The following RBFOX1 variants were observed in gnomAD, a reference collection of about 807,000 sequenced individuals.
RBFOX1 encodes RNA binding protein fox-1 homolog 1.
RBFOX1 carries 8 observed loss-of-function variants against 57.7 expected under a neutral mutation model. The ratio of observed to expected loss-of-function variants is 0.14; its 90% CI spans 0.08 to 0.25. The LOEUF is 0.25. RBFOX1 is among the 10% of genes least tolerant of loss of function. The probability of loss-of-function intolerance (pLI) is 1.00; values close to 1 mark genes in which losing one functional copy is unlikely to be tolerated. For missense variants in RBFOX1, 611 were observed against 548.5 expected (o/e 1.11, Z -1.14); for synonymous variants, 326 against 222.4 (o/e 1.47, Z -4.15).
At chr16:5,521,966 A>G (rs896658032) in intron 2 of RBFOX1, among the ~76,000 whole-genome samples, 3 of 152,172 alleles carry the variant, frequency 2.0e-5, no homozygotes, top group Non-Finnish European at 4.4e-5. Context: ...GAGGAGGGAA[A>G]AGACTTACTA....
intron 3 of RBFOX1, among the ~76,000 whole-genome samples, chr16:6,847,764 C>T (rs7201125): frequency 0.086 from 13,109 of 152,030 alleles, 737 homozygotes; most frequent in East Asian, 0.27. Flanking sequence ...TTAAAACAGT[C>T]ACGTGTGGCT....
intron 13 of RBFOX1, among the ~76,000 whole-genome samples, chr16:7,666,635 C>T (rs2069387203): frequency 1.3e-5 from 2 of 152,138 alleles, no homozygotes; most frequent in Admixed American, 6.5e-5. Flanking sequence ...AGAAGGGACT[C>T]ATTTAAGTGA....
At chr16:7,597,297 C>A in intron 8 of RBFOX1, 74 bp from the exon 9 acceptor site, 2 of 1,101,000 alleles carry the variant, frequency 1.8e-6, no homozygotes, top group South Asian at 1.5e-5. Context: ...TAATCACGGT[C>A]ATAATGCATG....
chr16:5,550,646 G>T (rs191133502), intron 2 of RBFOX1, among the ~76,000 whole-genome samples: 9 of 152,238 alleles, frequency 5.9e-5, no homozygotes, highest in Non-Finnish European at 1.0e-4. Flanking sequence ...GTATGTATCA[G>T]GTCCCATTTA....
At chr16:7,407,373 G>GGGGTGTGTGT (rs1011842452) in intron 4 of RBFOX1, among the ~76,000 whole-genome samples, 8 of 149,556 alleles carry the variant, frequency 5.3e-5, no homozygotes, top group African/African-American at 2.0e-4. Flanking sequence ...GATTTGTATG[G>GGGGTGTGTGT]GTGTGTGTGT....
chr16:7,509,281 A>C (rs2074308433), intron 4 of RBFOX1, among the ~76,000 whole-genome samples: 1 of 152,196 alleles, frequency 6.6e-6, no homozygotes, highest in South Asian at 2.1e-4. Flanking sequence ...CTGCTGCTGC[A>C]CTTGACTGTA....
intron 2 of RBFOX1, among the ~76,000 whole-genome samples, chr16:6,369,548 T>C (rs530348189): frequency 6.6e-6 from 1 of 152,316 alleles, no homozygotes; most frequent in South Asian, 2.1e-4. Context: ...CTAAAGTTGT[T>C]GGGAGTGAAG....
intron 2 of RBFOX1, among the ~76,000 whole-genome samples, chr16:6,452,632 A>G (rs779011324): frequency 6.6e-6 from 1 of 152,206 alleles, no homozygotes; most frequent in Non-Finnish European, 1.5e-5. Context: ...CAATGAGAAA[A>G]ATGGGCCCAG....
intron 4 of RBFOX1, among the ~76,000 whole-genome samples, chr16:7,110,307 A>T (rs1041847952): frequency 6.6e-6 from 1 of 152,068 alleles, no homozygotes; most frequent in Non-Finnish European, 1.5e-5. Flanking sequence ...GCTGTGGTGA[A>T]CTATGATCAT....
At chr16:6,566,929 A>C (rs17140613) in intron 2 of RBFOX1, among the ~76,000 whole-genome samples, 1 of 152,210 alleles carries the variant, frequency 6.6e-6, no homozygotes, top group Non-Finnish European at 1.5e-5. Context: ...ACCACAAAAA[A>C]TTGACATGTT....
intron 3 of RBFOX1, among the ~76,000 whole-genome samples, chr16:6,907,869 C>T (rs1239143161): frequency 5.3e-5 from 8 of 151,760 alleles, no homozygotes; most frequent in African/African-American, 1.7e-4. Flanking sequence ...CCCCCATGCC[C>T]GGCCAGCTTC....
At chr16:6,986,906 G>T (rs921713514) in intron 3 of RBFOX1, among the ~76,000 whole-genome samples, 1 of 152,208 alleles carries the variant, frequency 6.6e-6, no homozygotes, top group African/African-American at 2.4e-5. Context: ...GACCTGAAAG[G>T]TTATCTAATC....
In RBFOX1 at chr16:6,460,237, A is replaced by G. The variant is rs528434762; in HGVS notation, c.-64+143180A>G. 6.6e-5 allele frequency among the ~76,000 whole-genome samples: 10 copies of G among 152,164 alleles called. No homozygotes were observed. In the South Asian group the frequency reaches 1.7e-3, roughly 25 times the overall value. ...CTCTCTCCTTGGCTTGTACGTGGCC[A>G]TCTTTTCCCTGTGTTTTTCCCTGTG... On this transcript the variant is annotated intron_variant, in intron 2 of 15. Coordinates refer to ENST00000550418, the MANE Select transcript of RBFOX1 (RefSeq NM_018723.4).
chr16:7,069,773 C>T (rs1172663182), intron 4 of RBFOX1, among the ~76,000 whole-genome samples: 1 of 152,076 alleles, frequency 6.6e-6, no homozygotes, highest in African/African-American at 2.4e-5. Flanking sequence ...CCCCAGTTGC[C>T]CATAGTGGGC....
intron 3 of RBFOX1, among the ~76,000 whole-genome samples, chr16:6,855,609 C>T (rs945910031): frequency 1.3e-5 from 2 of 148,522 alleles, no homozygotes; most frequent in Non-Finnish European, 1.5e-5. Context: ...GCCTGGATCG[C>T]ACCACTTCAC....
chr16:6,745,372 C>A (rs1193741659), intron 3 of RBFOX1, among the ~76,000 whole-genome samples: 3 of 152,146 alleles, frequency 2.0e-5, no homozygotes, highest in Non-Finnish European at 2.9e-5. Flanking sequence ...ACAGACTAGT[C>A]TTCCTCATGA....
At chr16:6,081,996 G>A (rs1402373698) in intron 1 of RBFOX1, among the ~76,000 whole-genome samples, 1 of 152,150 alleles carries the variant, frequency 6.6e-6, no homozygotes, top group Non-Finnish European at 1.5e-5. Context: ...TATTTTGAGT[G>A]TGGAGTCAAA....
At chr16:5,899,759 C>T (rs964459719) in intron 4 of RBFOX1, among the ~76,000 whole-genome samples, 2 of 152,166 alleles carry the variant, frequency 1.3e-5, no homozygotes, top group Non-Finnish European at 2.9e-5. Flanking sequence ...CCTGAATGGG[C>T]ATGCTGAAAG....
intron 3 of RBFOX1, among the ~76,000 whole-genome samples, chr16:5,740,775 C>T (rs1328535956): frequency 1.3e-5 from 2 of 152,092 alleles, no homozygotes; most frequent in African/African-American, 4.8e-5. Flanking sequence ...AGGTGAAGTC[C>T]AGCAGAAAAG....
Sources: allele counts gnomAD v4.1 joint callset (sites outside exome capture counted in the v4.1 genomes callset), GRCh38; gene constraint gnomAD v4.1.1; transcripts MANE v1.5; gene names NCBI Gene and HGNC (gene_info 2026-07-23, HGNC 2026-07-21).